CACNA1I: variants seen among roughly 807,000 people sequenced by gnomAD.
The protein encoded by CACNA1I is voltage-dependent T-type calcium channel subunit alpha-1I.
Under a neutral mutation model 201.6 loss-of-function variants are expected in CACNA1I, and 74 were observed. The ratio of observed to expected loss-of-function variants is 0.37; its 90% confidence interval spans 0.30 to 0.45. CACNA1I has a LOEUF of 0.45. Among genes scored for constraint, CACNA1I ranks in the 20% least tolerant of loss-of-function variants. The pLI, the probability that CACNA1I is intolerant of heterozygous loss-of-function variation, is 1.00. For missense variants in CACNA1I, 2,346 were observed against 3,138.1 expected (o/e 0.75, Z 6.03); for synonymous variants, 1,431 against 1,345.2 (o/e 1.06, Z -1.40).
At chr22:39,593,298 T>G (rs191849898) in intron 1 of CACNA1I, among the ~76,000 whole-genome samples, 1 of 152,278 alleles carries the variant, frequency 6.6e-6, no homozygotes, top group East Asian at 1.9e-4. Flanking sequence ...CCCAGGGGAT[T>G]GTGAGAGCTG....
intron 8 of CACNA1I, 40 bp downstream of exon 8, chr22:39,646,921 G>A (rs1361921483): frequency 1.2e-5 from 18 of 1,452,154 alleles, no homozygotes; most frequent in African/African-American, 8.6e-5. Flanking sequence ...CAGGCACTTC[G>A]TGCCAAGTGT....
intron 4 of CACNA1I, among the ~76,000 whole-genome samples, chr22:39,622,304 G>T (rs1478810378): frequency 6.6e-6 from 1 of 152,008 alleles, no homozygotes; most frequent in Non-Finnish European, 1.5e-5. Context: ...AATGGGGCTG[G>T]GGGTCGGGAG....
chr22:39,620,257 ATCCATCCATCCATC>A (rs1933704640), intron 4 of CACNA1I, among the ~76,000 whole-genome samples: 1 of 135,706 alleles, frequency 7.4e-6, no homozygotes, highest in African/African-American at 2.6e-5. Flanking sequence ...CCATCCATCC[ATCCATCCATCCATC>A]CATCCATACG....
Position 39,665,609 on chromosome 22 carries a change from C to T in CACNA1I, c.3963C>T (p.Gly1321=). 1 of 1,613,838 alleles carries T rather than the reference C, an allele frequency of 6.2e-7. No homozygotes were observed. The highest frequency in any genetic ancestry group is 8.5e-7 in the Non-Finnish European group (1 of 1,179,796). ...GCTGTGCCTTCTTCATCATCTTTGG[C>T]ATCCTGGGAGTGCAGGTGAGGGGTG... is the stretch of plus-strand genomic sequence containing the variant. ...LICCAFFIIF[G]ILGVQLFKGK... Residue 1321 remains glycine (G), a synonymous_variant, in exon 22 of 37, where the codon GGC becomes GGT. Transcript: ENST00000402142. This position sits in a 1 kb window ranked among gnomAD's most constrained non-coding sequence, Gnocchi z 5.5.
Position 39,664,109 on chromosome 22 carries a change from G to T in CACNA1I, c.3616G>T (p.Val1206Leu). The change falls in exon 20 of 37, where the codon GTG becomes TTG. Residue 1206 changes from valine to leucine, a missense_variant. By Grantham distance (32) the Val-to-Leu change is conservative (BLOSUM62 1). This residue lies in a region of CACNA1I where 158 missense variants were observed against 231.6 expected (regional missense o/e 0.68). Coordinates refer to ENST00000402142, the MANE Select transcript of CACNA1I (RefSeq NM_021096.4). ...CTTTCAGGAACGCATCTTTCTCACC[G>T]TGTCCAACTACATCTTCACGGCCAT... is the stretch of plus-strand genomic sequence containing the variant. ...AGSTERIFLT[V>L]SNYIFTAIFV... 1 of 1,613,708 alleles carries T rather than the reference G, an allele frequency of 6.2e-7. No homozygotes were observed. The highest frequency in any genetic ancestry group is 1.3e-5 in the African/African-American group (1 of 75,052).
At chr22:39,658,826 G>C (rs1250672327) in intron 11 of CACNA1I, 105 bp from the exon 12 acceptor site, 9 of 964,974 alleles carry the variant, frequency 9.3e-6, no homozygotes, top group Non-Finnish European at 1.4e-5. Context: ...TGGATGAATG[G>C]AAGCTCTGTC....
rs1935347487 is a variant in CACNA1I, at chr22:39,670,737, C to T, written c.4388-66C>T. The T allele has an allele frequency of 2.0e-6, 3 of 1,501,256 alleles. No homozygotes were observed. The Admixed American group carries it at 5.0e-5, about 25-fold the overall frequency. 93.0% of individuals were successfully genotyped at this position (1,501,256 alleles called of 1,614,324 possible). On this transcript the variant is annotated intron_variant, in intron 25 of 36. Coordinates refer to ENST00000402142, the MANE Select transcript of CACNA1I (RefSeq NM_021096.4). ...TTCCTCCACCTTTCTGTCCTTTGTG[C>T]TCTGTGCCCTTTCCCTTGACCCCAA...
intron 1 of CACNA1I, among the ~76,000 whole-genome samples, chr22:39,596,743 C>A (rs995820303): frequency 3.3e-5 from 5 of 151,886 alleles, no homozygotes; most frequent in Admixed American, 3.3e-4. Flanking sequence ...ACCCAGGGGG[C>A]CGATGGGGAG....
chr22:39,658,217 G>A lies in CACNA1I; in HGVS notation c.2058G>A (p.Glu686=). 1 of 1,614,012 alleles carries A rather than the reference G, an allele frequency of 6.2e-7. No individual in the cohort carries two copies. ...TCTTCACCAGCATGTTTGCCCTGGAGATGATCCTGAAGCTGGCTGCATTTG... is the reference window on the plus strand; with the variant it reads ...TCTTCACCAGCATGTTTGCCCTGGAAATGATCCTGAAGCTGGCTGCATTTG... ...NVVFTSMFAL[E]MILKLAAFGL... The change falls in exon 11 of 37, where the codon GAG becomes GAA. Residue 686 remains glutamate (E), a synonymous_variant. Coordinates refer to ENST00000402142, the MANE Select transcript of CACNA1I (RefSeq NM_021096.4).
chr22:39,605,648 T>A (rs901051653), intron 3 of CACNA1I, among the ~76,000 whole-genome samples: 2 of 152,142 alleles, frequency 1.3e-5, no homozygotes, highest in Admixed American at 1.3e-4. Context: ...AAAGTCTAAA[T>A]TGGGATCCAT....
intron 5 of CACNA1I, among the ~76,000 whole-genome samples, chr22:39,637,086 C>T (rs779733385): frequency 2.6e-4 from 39 of 152,312 alleles, no homozygotes; most frequent in South Asian, 1.0e-3. Context: ...AAACACTCAC[C>T]GACCCCTTCC....
intron 4 of CACNA1I, among the ~76,000 whole-genome samples, chr22:39,624,169 T>G (rs938396443): frequency 1.3e-5 from 2 of 151,366 alleles, no homozygotes; most frequent in Non-Finnish European, 3.0e-5. Context: ...CCTGTGAGGG[T>G]GTGTGTGTGT....
chr22:39,575,634 C>T (rs1457486304), intron 1 of CACNA1I, among the ~76,000 whole-genome samples: 2 of 25,752 alleles, frequency 7.8e-5, no homozygotes, highest in South Asian at 1.8e-3. Context: ...GTGGCCATGC[C>T]CCCCATCAGT....
chr22:39,585,727 GT>G lies in CACNA1I; in HGVS notation c.237-12404del, dbSNP rs34320968. Reference sequence around the variant, plus strand: ...AAAAAAAAAAAAAAAAACTTTTAAAGTTTTTTTTTTTTTTTTTTTTGCAATG... The same window carrying G: ...AAAAAAAAAAAAAAAAACTTTTAAAGTTTTTTTTTTTTTTTTTTTGCAATG... On this transcript the variant is annotated intron_variant, in intron 1 of 36. Coordinates refer to ENST00000402142, the MANE Select transcript of CACNA1I (RefSeq NM_021096.4). Among the ~76,000 whole-genome samples the G allele has an allele frequency of 3.3e-3, 277 of 83,914 alleles. 1 individual carries two copies. Among genetic ancestry groups the G allele is most frequent in the East Asian group, 0.028 (65 of 2,356 alleles). 55.1% of individuals were successfully genotyped at this position (83,914 alleles called of 152,430 possible). A position where few individuals can be genotyped will look rare whatever the true frequency, so the allele number is the denominator to read the frequency against.
In CACNA1I at chr22:39,662,133, G is replaced by A. The variant is rs1045872334; in HGVS notation, c.3070G>A (p.Glu1024Lys). The change falls in exon 17 of 37, where the codon GAG (glutamate) becomes AAG (lysine). Residue 1024 changes from glutamate to lysine, a missense_variant. Coordinates refer to ENST00000402142, the MANE Select transcript of CACNA1I (RefSeq NM_021096.4). ...GARVCEVAAD[E>K]GPPRAAPLHT... ...CCGGGTCTGCGAGGTTGCCGCGGAC[G>A]AGGGGCCGCCGCGGGCCGCACCCCT... is the stretch of plus-strand genomic sequence containing the variant. 1 of 1,526,270 alleles carries A rather than the reference G, an allele frequency of 6.6e-7. No individual in the cohort carries two copies. Among genetic ancestry groups the A allele is most frequent in the Non-Finnish European group, 8.8e-7 (1 of 1,140,776 alleles). 94.5% of individuals were successfully genotyped at this position (1,526,270 alleles called of 1,614,324 possible).
chr22:39,627,573 A>C (rs1933935633), intron 4 of CACNA1I, among the ~76,000 whole-genome samples: 1 of 152,220 alleles, frequency 6.6e-6, no homozygotes, highest in South Asian at 2.1e-4. Flanking sequence ...AGCCCTGCTG[A>C]AGAGGGGCGA....
chr22:39,618,061 G>A (rs9611206), intron 3 of CACNA1I, among the ~76,000 whole-genome samples: 52,576 of 151,508 alleles, frequency 0.35, 11,616 homozygotes, highest in Non-Finnish European at 0.5. Flanking sequence ...TTGTGCTTGT[G>A]TATGCGGGTG....
intron 31 of CACNA1I, among the ~76,000 whole-genome samples, chr22:39,678,372 T>G (rs925486809): frequency 1.3e-5 from 2 of 152,164 alleles, no homozygotes; most frequent in Admixed American, 1.3e-4. Flanking sequence ...TCCACCCAGT[T>G]CCGGAGGGGA....
intron 10 of CACNA1I, among the ~76,000 whole-genome samples, chr22:39,654,206 C>G (rs534405095): frequency 2.6e-5 from 4 of 152,302 alleles, no homozygotes; most frequent in Non-Finnish European, 5.9e-5. Flanking sequence ...GCCGGGCTCC[C>G]GGAGATTGAG....
Sources: gnomAD v4.1 joint callset for allele counts (sites outside exome capture counted in the v4.1 genomes callset) on GRCh38, gnomAD v4.1.1 for gene constraint, gnomAD v4.1.1 regional missense constraint, Gnocchi (gnomAD v3.1) non-coding constraint, MANE v1.5 for transcripts, NCBI Gene and HGNC (gene_info 2026-07-23, HGNC 2026-07-21) for gene names.